Variants in RGS7 observed in about 807,000 individuals in gnomAD.
RGS7 encodes regulator of G-protein signaling 7.
In RGS7, 27 loss-of-function variants were observed where a neutral mutation model predicts 81.1. The observed-to-expected ratio is 0.33, with a 90% CI of 0.25 to 0.46. The LOEUF (loss-of-function observed/expected upper bound fraction) is 0.46. Among genes scored for constraint, RGS7 ranks in the 20% least tolerant of loss-of-function variants. The pLI is 1.00. For missense variants in RGS7, 396 were observed against 607.4 expected, an observed-to-expected ratio of 0.65 and a Z score of 3.66; for synonymous variants, 208 against 207.7, an observed-to-expected ratio of 1.00 and a Z score of -0.01.
At chr1:241,061,016 C>T (rs999766598) in intron 3 of RGS7, among the ~76,000 whole-genome samples, 3 of 152,206 alleles carry the variant, frequency 2.0e-5, no homozygotes, top group East Asian at 1.9e-4. Flanking sequence ...CACCTGCTCC[C>T]GCTACCTGTC....
At chr1:240,911,023 T>C (rs1442936665) in intron 6 of RGS7, among the ~76,000 whole-genome samples, 1 of 152,206 alleles carries the variant, frequency 6.6e-6, no homozygotes. Context: ...AAATTTTTTT[T>C]AAAGAATTCT....
intron 3 of RGS7, among the ~76,000 whole-genome samples, chr1:241,070,566 G>T (rs913634766): frequency 2.0e-5 from 3 of 152,202 alleles, no homozygotes; most frequent in Admixed American, 1.3e-4. Flanking sequence ...TGAATAGAAA[G>T]AGCTTCTTGA....
chr1:241,204,094 T>C (rs150215870), intron 2 of RGS7, among the ~76,000 whole-genome samples: 16 of 152,142 alleles, frequency 1.1e-4, no homozygotes, highest in African/African-American at 3.6e-4. Flanking sequence ...TAGGTGAGAG[T>C]TTAAAGGAAA....
intron 18 of RGS7, among the ~76,000 whole-genome samples, chr1:240,780,978 T>G (rs965806796): frequency 6.6e-6 from 1 of 150,518 alleles, no homozygotes; most frequent in African/African-American, 2.4e-5. Context: ...GAAACTCAGA[T>G]ACAGTCATTT....
intron 2 of RGS7, among the ~76,000 whole-genome samples, chr1:241,192,176 G>A (rs1335465376): frequency 2.7e-5 from 4 of 147,482 alleles, no homozygotes; most frequent in East Asian, 5.7e-4. Flanking sequence ...GTGTGTGTGT[G>A]TGTGTGTGTG....
chr1:241,344,934 G>A (rs575615024), intron 2 of RGS7, among the ~76,000 whole-genome samples: 7 of 152,286 alleles, frequency 4.6e-5, no homozygotes, highest in East Asian at 3.9e-4. Context: ...AGATGCATGC[G>A]AATGCTCATT....
At chr1:241,344,812 C>T (rs186745755) in intron 2 of RGS7, among the ~76,000 whole-genome samples, 26 of 152,308 alleles carry the variant, frequency 1.7e-4, no homozygotes, top group Admixed American at 5.2e-4. Flanking sequence ...TAGCTTAGGT[C>T]AATTTAGTTC....
chr1:241,046,294 C>G lies in RGS7; in HGVS notation c.175+52372G>C, dbSNP rs544196451. Reference sequence around the variant, plus strand: ...ACACAATACCTAATGGGTAGTTTTTCAGCCCTGACCCCCCCCCCCTTTTCT... The same window carrying G: ...ACACAATACCTAATGGGTAGTTTTTGAGCCCTGACCCCCCCCCCCTTTTCT... On this transcript the variant is annotated intron_variant, in intron 3 of 18. Transcript: ENST00000440928. 3.3e-3 allele frequency among the ~76,000 whole-genome samples: 188 copies of G among 56,574 alleles called. 1 individual carries two copies. Among genetic ancestry groups the G allele is most frequent in the South Asian group, 6.8e-3 (7 of 1,028 alleles). 37.1% of individuals were successfully genotyped at this position (56,574 alleles called of 152,430 possible).
At chr1:241,292,331 T>C (rs914271562) in intron 2 of RGS7, among the ~76,000 whole-genome samples, 2 of 152,202 alleles carry the variant, frequency 1.3e-5, no homozygotes, top group African/African-American at 4.8e-5. Flanking sequence ...TGTATGTAAT[T>C]GTATGTGCTA....
intron 3 of RGS7, among the ~76,000 whole-genome samples, chr1:240,999,909 A>G (rs147413842): frequency 9.5e-4 from 145 of 152,252 alleles, no homozygotes; most frequent in African/African-American, 3.3e-3. Flanking sequence ...GGCCTGATGA[A>G]TGTTTTTTAA....
At chr1:241,066,545 C>T (rs1018822235) in intron 3 of RGS7, among the ~76,000 whole-genome samples, 4 of 152,174 alleles carry the variant, frequency 2.6e-5, no homozygotes, top group Non-Finnish European at 5.9e-5. Context: ...CAATTAGCAA[C>T]ACTGTGTGCT....
intron 4 of RGS7, among the ~76,000 whole-genome samples, chr1:240,945,506 A>G (rs1177341708): frequency 2.0e-5 from 3 of 152,248 alleles, no homozygotes; most frequent in Admixed American, 6.5e-5. Flanking sequence ...TGAAAATCAA[A>G]TATCACTCCT....
chr1:241,045,070 T>C (rs2060845391), intron 3 of RGS7, among the ~76,000 whole-genome samples: 1 of 152,200 alleles, frequency 6.6e-6, no homozygotes, highest in Non-Finnish European at 1.5e-5. Context: ...CTTTCCTTAA[T>C]ATGGCTAGCT....
intron 2 of RGS7, among the ~76,000 whole-genome samples, chr1:241,256,059 T>C (rs768244664): frequency 6.6e-5 from 10 of 152,194 alleles, no homozygotes; most frequent in Non-Finnish European, 1.3e-4. Context: ...AGGGAAAGTT[T>C]CAAGATCTTT....
chr1:241,136,062 A>G (rs1381863739), intron 2 of RGS7, among the ~76,000 whole-genome samples: 5 of 152,228 alleles, frequency 3.3e-5, no homozygotes, highest in Non-Finnish European at 1.5e-5. Flanking sequence ...TACAAACAAT[A>G]TATGAGTCTT....
intron 6 of RGS7, chr1:240,920,296 T>C: frequency 1.4e-6 from 2 of 1,383,168 alleles, no homozygotes; most frequent in African/African-American, 1.4e-5. Flanking sequence ...AATGACAACT[T>C]TGGTCGTGGA....
chr1:240,811,252 A>T (rs961058377), intron 14 of RGS7, among the ~76,000 whole-genome samples: 1 of 152,248 alleles, frequency 6.6e-6, no homozygotes, highest in African/African-American at 2.4e-5. Context: ...CCCTTCAATG[A>T]TGTTAAATAG....
At chr1:240,858,317 T>C (rs1055218425) in intron 9 of RGS7, among the ~76,000 whole-genome samples, 1 of 152,182 alleles carries the variant, frequency 6.6e-6, no homozygotes, top group South Asian at 2.1e-4. Context: ...AACTCCCAAA[T>C]TGTCTTTCAA....
chr1:240,950,444 G>A (rs261844), intron 4 of RGS7, among the ~76,000 whole-genome samples: 147,584 of 152,248 alleles, frequency 0.97, 71,614 homozygotes, highest in East Asian at 0.99. Flanking sequence ...GTCTCTCACC[G>A]AAGGGAGGAA....
Sources: gnomAD v4.1 joint callset for allele counts (sites outside exome capture counted in the v4.1 genomes callset) on GRCh38, gnomAD v4.1.1 for gene constraint, MANE v1.5 for transcripts, NCBI Gene and HGNC (gene_info 2026-07-23, HGNC 2026-07-21) for gene names.